EPHB2: variants seen among roughly 807,000 people sequenced by gnomAD.
EPHB2 encodes EPH receptor B2.
A neutral mutation model predicts 96.4 loss-of-function variants in EPHB2; 18 were observed. The ratio of observed to expected loss-of-function variants is 0.19; its 90% CI spans 0.13 to 0.28. EPHB2 has a LOEUF of 0.28. Ranked by LOEUF, EPHB2 falls within the 10% of genes least tolerant of loss-of-function variation. The probability of loss-of-function intolerance (pLI) is 1.00; values close to 1 mark genes in which losing one functional copy is unlikely to be tolerated. For missense variants in EPHB2, 989 were observed against 1,355.4 expected (o/e 0.73, Z 4.25); for synonymous variants, 506 against 534.1 (o/e 0.95, Z 0.72).
At chr1:22,894,440 C>G (rs1639488944) in intron 7 of EPHB2, among the ~76,000 whole-genome samples, 1 of 151,870 alleles carries the variant, frequency 6.6e-6, no homozygotes, top group South Asian at 2.1e-4. Context: ...TCTACTAAAA[C>G]TACAAAATCA....
rs1279740490 is a variant in EPHB2 at position 22,744,459 on chromosome 1, G to GTT, written c.61+33417_61+33418dup. Among the ~76,000 whole-genome samples the GTT allele has an allele frequency of 8.2e-5, 12 of 146,852 alleles. No individual in the cohort carries two copies. In the South Asian group the frequency reaches 8.5e-4, roughly 10 times the overall value. On this transcript the variant is annotated intron_variant, in intron 1 of 15. Coordinates refer to ENST00000374630, the MANE Select transcript of EPHB2 (RefSeq NM_017449.5). ...TATATATATGTTATATATTTTGTATGTTATATATATATATATAATATACTG... is the reference window on the plus strand; with the variant it reads ...TATATATATGTTATATATTTTGTATGTTTTATATATATATATATAATATACTG...
intron 9 of EPHB2, among the ~76,000 whole-genome samples, chr1:22,898,137 AAAG>A (rs1639629101): frequency 6.6e-6 from 1 of 151,732 alleles, no homozygotes. Context: ...AAAAAAAACA[AAAG>A]AAAAAAGAAG....
intron 3 of EPHB2, among the ~76,000 whole-genome samples, chr1:22,808,207 A>G (rs953360121): frequency 6.6e-6 from 1 of 152,140 alleles, no homozygotes; most frequent in East Asian, 1.9e-4. Flanking sequence ...GAGGGGTATC[A>G]CTGGGCCCAT....
chr1:22,900,427 A>T (rs1013831612), intron 9 of EPHB2, among the ~76,000 whole-genome samples: 1 of 152,196 alleles, frequency 6.6e-6, no homozygotes, highest in Non-Finnish European at 1.5e-5. Context: ...AATGCTTTAC[A>T]TGTATTTATT....
intron 1 of EPHB2, among the ~76,000 whole-genome samples, chr1:22,727,503 C>T (rs561907160): frequency 6.6e-6 from 1 of 152,190 alleles, no homozygotes; most frequent in Non-Finnish European, 1.5e-5. Flanking sequence ...GCTCTTCCAT[C>T]GAGCCTGGAC....
At position 22,860,525 on chromosome 1, in the gene EPHB2, T is replaced by A. The variant is rs534062051; in HGVS notation, c.812-2512T>A. Among the ~76,000 whole-genome samples the A allele has an allele frequency of 1.7e-4, 26 of 151,898 alleles. No individual in the cohort carries two copies. Among genetic ancestry groups the A allele is most frequent in the Non-Finnish European group, 3.5e-4 (24 of 67,934 alleles). Reference sequence around the variant, plus strand: ...GGAGTCTGAGAGGGAGCCAGGACACTGCAAGGGGGAGAGGGCAGCCAGAAA... The same window carrying A: ...GGAGTCTGAGAGGGAGCCAGGACACAGCAAGGGGGAGAGGGCAGCCAGAAA... On this transcript the variant is annotated intron_variant, in intron 3 of 15. Transcript: ENST00000374630. This position sits in a 1 kb window ranked among gnomAD's most constrained non-coding sequence, Gnocchi z 4.6.
At chr1:22,897,903 C>T (rs954029565) in intron 9 of EPHB2, among the ~76,000 whole-genome samples, 2 of 152,064 alleles carry the variant, frequency 1.3e-5, no homozygotes, top group African/African-American at 4.8e-5. Context: ...AGTTCAAGAC[C>T]AGCCTGGGAA....
Position 22,913,085 on chromosome 1 carries a change from C to T in EPHB2, c.2853-377C>T, listed in dbSNP as rs192947873. On this transcript the variant is annotated intron_variant, in intron 15 of 15. Transcript: ENST00000374630. This position sits in a 1 kb window ranked among gnomAD's most constrained non-coding sequence, Gnocchi z 4.1. ...GCATGCACCTGTAATGCCAGCTACTCGGGAGGCTGAGGCAGGGGAATTGCT... is the reference window on the plus strand; with the variant it reads ...GCATGCACCTGTAATGCCAGCTACTTGGGAGGCTGAGGCAGGGGAATTGCT... 1.6e-3 allele frequency: 574 copies of T among 363,026 alleles called. No homozygotes were observed. Among genetic ancestry groups the T allele is most frequent in the Non-Finnish European group, 2.2e-3 (407 of 188,388 alleles). 22.5% of individuals were successfully genotyped at this position (363,026 alleles called of 1,614,324 possible). A position where few individuals can be genotyped will look rare whatever the true frequency, so the allele number is the denominator to read the frequency against.
At chr1:22,834,407 G>A (rs921686429) in intron 3 of EPHB2, among the ~76,000 whole-genome samples, 16 of 152,198 alleles carry the variant, frequency 1.1e-4, no homozygotes, top group South Asian at 2.1e-4. Flanking sequence ...CCATGACTTC[G>A]GACGATTAAA....
intron 3 of EPHB2, among the ~76,000 whole-genome samples, chr1:22,814,802 A>G (rs1423128024): frequency 9.2e-5 from 14 of 152,242 alleles, no homozygotes; most frequent in Admixed American, 8.5e-4. Context: ...AGGCCAGCCG[A>G]GGCCACTGGC....
rs2222111 is a variant in EPHB2 at position 22,875,267 on chromosome 1, A to G, written c.1304-7092A>G. Among the ~76,000 whole-genome samples, 112,468 of 152,132 alleles carry G rather than the reference A, an allele frequency of 0.74. 46,040 individuals carry two copies. Among genetic ancestry groups the G allele is most frequent in the Non-Finnish European group, 0.92 (62,769 of 68,016 alleles). ...GTTGCTACGGGTTTAAGGGACAAACACTCAAAAAGCAGCTGTCCCATGATG... is the reference window on the plus strand; with the variant it reads ...GTTGCTACGGGTTTAAGGGACAAACGCTCAAAAAGCAGCTGTCCCATGATG... On this transcript the variant is annotated intron_variant, in intron 5 of 15. Transcript: ENST00000374630. The surrounding 1 kb of genome is among the most constrained non-coding windows in gnomAD (Gnocchi z 4.2).
rs141907055 is a variant in EPHB2, at chr1:22,852,862, G to A, written c.812-10175G>A. ...AGTCAGCAGGGCAGGTGCAGTGGCT[G>A]CCCTCATGGAGCTCACAGCTGGTAG... is the stretch of plus-strand genomic sequence containing the variant. On this transcript the variant is annotated intron_variant, in intron 3 of 15. Coordinates refer to ENST00000374630, the MANE Select transcript of EPHB2 (RefSeq NM_017449.5). Among the ~76,000 whole-genome samples, 148 of 152,346 alleles carry A rather than the reference G, an allele frequency of 9.7e-4. No individual in the cohort carries two copies. The Middle Eastern group carries it at 0.024, about 25-fold the overall frequency.
At chr1:22,843,338 T>A (rs1313206872) in intron 3 of EPHB2, among the ~76,000 whole-genome samples, 7 of 152,128 alleles carry the variant, frequency 4.6e-5, no homozygotes, top group Admixed American at 4.6e-4. Context: ...CTCTTGCCAC[T>A]GTGTTTTTTT....
intron 3 of EPHB2, among the ~76,000 whole-genome samples, chr1:22,829,502 G>A (rs893078231): frequency 1.3e-5 from 2 of 152,212 alleles, no homozygotes; most frequent in Non-Finnish European, 2.9e-5. Flanking sequence ...AACTGGCCTT[G>A]ACCCTCACCT....
At chr1:22,815,181 G>A (rs917076207) in intron 3 of EPHB2, among the ~76,000 whole-genome samples, 2 of 152,140 alleles carry the variant, frequency 1.3e-5, no homozygotes, top group African/African-American at 2.4e-5. Flanking sequence ...GGCCCACCAC[G>A]TGCCTGCTCT....
intron 3 of EPHB2, among the ~76,000 whole-genome samples, chr1:22,849,274 C>T (rs984499471): frequency 6.6e-6 from 1 of 152,180 alleles, no homozygotes; most frequent in African/African-American, 2.4e-5. Flanking sequence ...TTTCTGCCCA[C>T]AGTCCCTAAA....
In EPHB2 at chr1:22,733,049, C is replaced by G. The variant is rs1026576310; in HGVS notation, c.61+22006C>G. Among the ~76,000 whole-genome samples, 15 of 152,032 alleles carry G rather than the reference C, an allele frequency of 9.9e-5. No homozygotes were observed. The highest frequency in any genetic ancestry group is 3.6e-4 in the African/African-American group (15 of 41,398). ...TCCCCCTCCTAGGCTGCCTTTCTTTCTTTCTTTCTTTCTTTTTTTTTGGAG... is the reference window on the plus strand; with the variant it reads ...TCCCCCTCCTAGGCTGCCTTTCTTTGTTTCTTTCTTTCTTTTTTTTTGGAG... On this transcript the variant is annotated intron_variant, in intron 1 of 15. Coordinates refer to ENST00000374630, the MANE Select transcript of EPHB2 (RefSeq NM_017449.5). The surrounding 1 kb of genome is among the most constrained non-coding windows in gnomAD (Gnocchi z 4.6).
At chr1:22,912,809 A>G in intron 15 of EPHB2, 1 of 657,536 alleles carries the variant, frequency 1.5e-6, no homozygotes, top group Non-Finnish European at 2.7e-6. Flanking sequence ...TGGTCAAATC[A>G]TAGCACCTCC....
At chr1:22,813,842 C>A (rs897673499) in intron 3 of EPHB2, among the ~76,000 whole-genome samples, 3 of 152,190 alleles carry the variant, frequency 2.0e-5, no homozygotes, top group African/African-American at 7.2e-5. Context: ...TGCCCTCTGG[C>A]CCTCCAAAGA....
Sources: gnomAD v4.1 joint callset for allele counts (sites outside exome capture counted in the v4.1 genomes callset) on GRCh38, gnomAD v4.1.1 for gene constraint, Gnocchi (gnomAD v3.1) non-coding constraint, MANE v1.5 for transcripts, NCBI Gene and HGNC (gene_info 2026-07-23, HGNC 2026-07-21) for gene names.